GALNT2: variants seen among roughly 807,000 people sequenced by gnomAD.
GALNT2 encodes the protein UDP-GalNAc:polypeptide N-acetylgalactosaminyltransferase 2.
GALNT2 carries 31 observed loss-of-function variants against 81.4 expected under a neutral mutation model. The ratio of observed to expected loss-of-function variants is 0.38; its 90% CI spans 0.29 to 0.51. The LOEUF (loss-of-function observed/expected upper bound fraction) is 0.51. GALNT2 is among the 20% of genes least tolerant of loss of function. The probability of loss-of-function intolerance (pLI) is 0.87; values close to 1 mark genes in which losing one functional copy is unlikely to be tolerated. For missense variants in GALNT2, 629 were observed against 765.7 expected (o/e 0.82, Z 2.11); for synonymous variants, 303 against 287.4 (o/e 1.05, Z -0.55).
At chr1:230,138,440 G>A (rs188122324) in intron 1 of GALNT2, among the ~76,000 whole-genome samples, 163 of 150,908 alleles carry the variant, frequency 1.1e-3, no homozygotes, top group Admixed American at 1.9e-3. Context: ...CAGGAGAATC[G>A]CTTGAACCCA....
At chr1:230,064,719 C>T (rs1005411754), upstream of GALNT2, among the ~76,000 whole-genome samples, 1 of 152,160 alleles carries the variant, frequency 6.6e-6, no homozygotes, top group Non-Finnish European at 1.5e-5. Flanking sequence ...ACCACTTTGG[C>T]CAGGCTGGTC....
At chr1:230,267,935 G>C in intron 14 of GALNT2, among the ~76,000 whole-genome samples, 1 of 152,254 alleles carries the variant, frequency 6.6e-6, no homozygotes, top group African/African-American at 2.4e-5. Context: ...CGGTGCTGCT[G>C]TGGGTCCCGC....
At chr1:230,246,774 C>T (rs1333907837) in intron 8 of GALNT2, among the ~76,000 whole-genome samples, 4 of 152,136 alleles carry the variant, frequency 2.6e-5, no homozygotes, top group Admixed American at 1.3e-4. Flanking sequence ...CCTGTATGTC[C>T]TCACCGCACC....
rs1245910189 is a variant in GALNT2 at position 230,193,432 on chromosome 1, C to T, written c.221-9705C>T. On this transcript the variant is annotated intron_variant, in intron 2 of 15. Coordinates refer to ENST00000366672, the MANE Select transcript of GALNT2 (RefSeq NM_004481.5). This position sits in a 1 kb window ranked among gnomAD's most constrained non-coding sequence, Gnocchi z 4.3. ...TCGCAACTGAGAGTCCTCTAAAGAC[C>T]GCATTTGTGCATGTGCCTGTGCGTG... Among the ~76,000 whole-genome samples, 4 of 152,286 alleles carry T rather than the reference C, an allele frequency of 2.6e-5. No homozygotes were observed. Among genetic ancestry groups the T allele is most frequent in the Non-Finnish European group, 4.4e-5 (3 of 68,026 alleles).
chr1:230,184,843 C>T (rs1031238244), intron 2 of GALNT2, among the ~76,000 whole-genome samples: 34 of 152,070 alleles, frequency 2.2e-4, no homozygotes, highest in Non-Finnish European at 7.4e-5. Flanking sequence ...TTCTCTCTTT[C>T]TTCTCCTTCC....
intron 2 of GALNT2, among the ~76,000 whole-genome samples, chr1:230,190,858 G>A: frequency 6.6e-6 from 1 of 152,034 alleles, no homozygotes; most frequent in South Asian, 2.1e-4. Context: ...TTTTGTTGTG[G>A]GACATAAAGA....
intron 3 of GALNT2, among the ~76,000 whole-genome samples, chr1:230,213,074 G>A (rs1664283353): frequency 6.6e-6 from 1 of 152,204 alleles, no homozygotes; most frequent in Non-Finnish European, 1.5e-5. Flanking sequence ...TTCCCCATCT[G>A]TAACTCTGGG....
At chr1:230,225,073 T>C (rs768314384) in intron 3 of GALNT2, among the ~76,000 whole-genome samples, 5 of 152,228 alleles carry the variant, frequency 3.3e-5, no homozygotes, top group African/African-American at 1.2e-4. Flanking sequence ...TGGTTCTGTT[T>C]AGTTTTGAAA....
At chr1:230,146,149 C>T (rs1371647293) in intron 1 of GALNT2, among the ~76,000 whole-genome samples, 1 of 152,198 alleles carries the variant, frequency 6.6e-6, no homozygotes, top group Non-Finnish European at 1.5e-5. Flanking sequence ...AAAAGACAGT[C>T]TTTGTATTTC....
chr1:230,133,437 G>A (rs936049143), intron 1 of GALNT2, among the ~76,000 whole-genome samples: 3 of 149,970 alleles, frequency 2.0e-5, no homozygotes, highest in African/African-American at 4.9e-5. Context: ...TTTCTGTTTC[G>A]ATTTCTTTTT....
intron 2 of GALNT2, among the ~76,000 whole-genome samples, chr1:230,201,712 C>A (rs1420336412): frequency 6.6e-5 from 10 of 152,238 alleles, no homozygotes; most frequent in Admixed American, 6.5e-4. Flanking sequence ...GACGGCCAGG[C>A]TCTTGCTTGC....
chr1:230,168,865 A>G lies in GALNT2; in HGVS notation c.127-9353A>G, dbSNP rs141857193. ...ATTAACTAAAGTTCTCTCTTTATTC[A>G]GATTTTTTACAACATCCCCTTGTGT... On this transcript the variant is annotated intron_variant, in intron 1 of 15. Coordinates refer to ENST00000366672, the MANE Select transcript of GALNT2 (RefSeq NM_004481.5). Among the ~76,000 whole-genome samples, 695 of 152,322 alleles carry G rather than the reference A, an allele frequency of 4.6e-3. 3 individuals are homozygous for G. The highest frequency in any genetic ancestry group is 0.016 in the African/African-American group (665 of 41,580).
chr1:230,190,760 C>T (rs926984273), intron 2 of GALNT2, among the ~76,000 whole-genome samples: 15 of 152,074 alleles, frequency 9.9e-5, no homozygotes, highest in African/African-American at 3.4e-4. Context: ...GGCGATATAT[C>T]GGGAACTCCT....
intron 1 of GALNT2, among the ~76,000 whole-genome samples, chr1:230,091,247 T>G (rs1352710718): frequency 2.0e-5 from 3 of 151,910 alleles, no homozygotes; most frequent in Non-Finnish European, 2.9e-5. Context: ...TTGTATTTTT[T>G]TTTTTTTTAG....
intron 10 of GALNT2, among the ~76,000 whole-genome samples, chr1:230,250,983 C>G (rs370927877): frequency 4.6e-5 from 7 of 152,124 alleles, no homozygotes; most frequent in Non-Finnish European, 1.5e-5. Context: ...GGCAGGGAGG[C>G]CTTGGCACTT....
intron 1 of GALNT2, among the ~76,000 whole-genome samples, chr1:230,118,724 CGGT>C: frequency 6.6e-6 from 1 of 152,170 alleles, no homozygotes; most frequent in East Asian, 1.9e-4. Context: ...CGCACTGTCT[CGGT>C]GGGAGCATCG....
intron 2 of GALNT2, among the ~76,000 whole-genome samples, chr1:230,198,598 G>T (rs2102703275): frequency 6.6e-6 from 1 of 152,322 alleles, no homozygotes; most frequent in African/African-American, 2.4e-5. Flanking sequence ...AGGGCAGTCT[G>T]TGGGACCACC....
intron 1 of GALNT2, among the ~76,000 whole-genome samples, chr1:230,081,247 C>G (rs927005984): frequency 6.6e-6 from 1 of 152,170 alleles, no homozygotes; most frequent in Non-Finnish European, 1.5e-5. Context: ...GGGTCCCCCC[C>G]AGCTGGTGTG....
intron 3 of GALNT2, among the ~76,000 whole-genome samples, chr1:230,208,083 T>A (rs1381842328): frequency 6.6e-6 from 1 of 152,234 alleles, no homozygotes; most frequent in Non-Finnish European, 1.5e-5. Flanking sequence ...ATCTTCTTGC[T>A]TGGAAATTTC....
Sources: allele counts gnomAD v4.1 joint callset (sites outside exome capture counted in the v4.1 genomes callset), GRCh38; gene constraint gnomAD v4.1.1; non-coding constraint Gnocchi (gnomAD v3.1); transcripts MANE v1.5; gene names NCBI Gene and HGNC (gene_info 2026-07-23, HGNC 2026-07-21).